IARS2: variants seen among roughly 807,000 people sequenced by gnomAD.
IARS2 encodes isoleucine--tRNA ligase, mitochondrial.
IARS2 carries 56 observed loss-of-function variants against 126.3 expected under a neutral mutation model. The observed-to-expected ratio is 0.44, with a 90% confidence interval of 0.36 to 0.55. The LOEUF is 0.55. IARS2 is among the 20% of genes least tolerant of loss of function. The pLI is 0.00. For missense variants in IARS2, 1,127 were observed against 1,245.9 expected (o/e 0.90, Z 1.44); for synonymous variants, 407 against 441.1 (o/e 0.92, Z 0.97).
At chr1:220,103,333 C>G in intron 7 of IARS2, 114 bp from the exon 8 acceptor site, 1 of 644,566 alleles carries the variant, frequency 1.6e-6, no homozygotes, top group Non-Finnish European at 2.7e-6. Flanking sequence ...TAGACATGAG[C>G]CACCGCGCTG....
In IARS2 at chr1:220,106,003, A is replaced by T; in HGVS notation, c.1179A>T (p.Thr393=). 2 of 1,614,188 alleles carry T rather than the reference A, an allele frequency of 1.2e-6. No individual in the cohort carries two copies. The highest frequency in any genetic ancestry group is 1.7e-6 in the Non-Finnish European group (2 of 1,180,016). The change falls in exon 9 of 23, where the codon ACA becomes ACT. Residue 393 remains threonine (T), a synonymous_variant. Transcript: ENST00000366922. ...TMAKGTGLVH[T]APAHGMEDYG... ...CAAAAGGAACGGGATTGGTTCACAC[A>T]GCCCCAGCTCATGGTATGGAAGACT...
chr1:220,143,260 A>G (rs1463854186), intron 21 of IARS2, 126 bp downstream of exon 21: 4 of 531,552 alleles, frequency 7.5e-6, no homozygotes, highest in African/African-American at 1.9e-5. Context: ...CTATGCAATT[A>G]TTCTATTATG....
chr1:220,121,332 A>G (rs1657047723), intron 12 of IARS2, among the ~76,000 whole-genome samples: 1 of 152,184 alleles, frequency 6.6e-6, no homozygotes, highest in African/African-American at 2.4e-5. Context: ...TATGTATAAA[A>G]CACAAAATTA....
rs535505794 is a variant in IARS2 at position 220,106,038 on chromosome 1, C to T, written c.1214C>T (p.Ala405Val). 8.1e-6 allele frequency: 13 copies of T among 1,613,500 alleles called. 1 individual carries two copies. Among genetic ancestry groups the T allele is most frequent in the South Asian group, 6.6e-5 (6 of 90,994 alleles). The change falls in exon 9 of 23, where the codon GCG (alanine) becomes GTG (valine). Residue 405 changes from alanine to valine, a missense_variant. By Grantham distance (64) the Ala-to-Val change is moderately conservative. Transcript: ENST00000366922. ...PAHGMEDYGVASQHNLPMDCL... is the reference protein window; with the variant it reads ...PAHGMEDYGVVSQHNLPMDCL... ...CATGGTATGGAAGACTACGGTGTAGCGTCTCAGCACAACCTGCCCATGGTA... is the reference window on the plus strand; with the variant it reads ...CATGGTATGGAAGACTACGGTGTAGTGTCTCAGCACAACCTGCCCATGGTA...
At chr1:220,120,551 A>G (rs1471084823) in intron 12 of IARS2, among the ~76,000 whole-genome samples, 2 of 151,384 alleles carry the variant, frequency 1.3e-5, no homozygotes, top group East Asian at 3.9e-4. Flanking sequence ...TAATTTTTGT[A>G]TTTTTGTAGA....
At position 220,116,887 on chromosome 1, in the gene IARS2, C is replaced by T. The variant is rs567930026; in HGVS notation, c.1640+2413C>T. On this transcript the variant is annotated intron_variant, in intron 12 of 22. Transcript: ENST00000366922. ...TCAGCCTCCTGAGTAGCTGGGACTA[C>T]AGGCACGCGCCACTGACTTGGCTAA... Among the ~76,000 whole-genome samples the T allele has an allele frequency of 6.6e-5, 10 of 150,452 alleles. No homozygotes were observed. In the South Asian group the frequency reaches 2.1e-3, roughly 32 times the overall value.
chr1:220,097,359 T>C (rs949191243), intron 2 of IARS2, among the ~76,000 whole-genome samples: 1 of 133,028 alleles, frequency 7.5e-6, no homozygotes, highest in Non-Finnish European at 1.5e-5. Context: ...CCAACAGTTC[T>C]TTTTTCTTTT....
chr1:220,102,747 A>C lies in IARS2; in HGVS notation c.920A>C (p.Asn307Thr). The stretch of plus-strand genomic sequence containing the variant: ...ACACAACCTTGGACGATTCCAGCCA[A>C]TGAAGCTGTTTGCTATATGCCTGAA... ...WTTQPWTIPANEAVCYMPESK... is the reference protein window; with the variant it reads ...WTTQPWTIPATEAVCYMPESK... Residue 307 changes from asparagine to threonine, a missense_variant, in exon 7 of 23, where the codon AAT (asparagine) becomes ACT (threonine). Asn to Thr is a moderately conservative substitution (Grantham distance 65, BLOSUM62 0). Coordinates refer to ENST00000366922, the MANE Select transcript of IARS2 (RefSeq NM_018060.4). 1.2e-6 allele frequency: 2 copies of C among 1,613,558 alleles called. No individual in the cohort carries two copies. The highest frequency in any genetic ancestry group is 1.7e-6 in the Non-Finnish European group (2 of 1,179,488).
chr1:220,100,417 T>C, intron 2 of IARS2, 73 bp from the exon 3 acceptor site: 1 of 1,249,934 alleles, frequency 8.0e-7, no homozygotes, highest in Admixed American at 2.4e-5. Context: ...ATTATCATTT[T>C]ATCTTTGCAG....
intron 14 of IARS2, among the ~76,000 whole-genome samples, chr1:220,127,632 C>T (rs1026797297): frequency 6.6e-6 from 1 of 152,172 alleles, no homozygotes; most frequent in African/African-American, 2.4e-5. Flanking sequence ...CTACTAAGGG[C>T]CAGCTTTGGC....
At chr1:220,143,494 T>C (rs1379116938) in intron 21 of IARS2, 1 of 193,100 alleles carries the variant, frequency 5.2e-6, no homozygotes, top group Non-Finnish European at 1.1e-5. Context: ...TACATATTAC[T>C]GTGTAGGGAT....
intron 8 of IARS2, 89 bp downstream of exon 8, chr1:220,103,651 T>C (rs1428900933): frequency 2.6e-6 from 2 of 769,402 alleles, no homozygotes. Flanking sequence ...TATTTTGAAT[T>C]GAAACAGATA....
intron 8 of IARS2, among the ~76,000 whole-genome samples, chr1:220,104,793 C>T (rs1656647359): frequency 6.6e-6 from 1 of 152,092 alleles, no homozygotes; most frequent in African/African-American, 2.4e-5. Flanking sequence ...CTCTGCCTCC[C>T]AAAGTGGTAG....
intron 2 of IARS2, among the ~76,000 whole-genome samples, chr1:220,098,264 C>T (rs145125726): frequency 6.6e-6 from 1 of 152,204 alleles, no homozygotes; most frequent in African/African-American, 2.4e-5. Flanking sequence ...AGCATGGGCA[C>T]TTTGGAACTA....
rs147663250 is a variant in IARS2 at position 220,119,444 on chromosome 1, A to G, written c.1640+4970A>G. Among the ~76,000 whole-genome samples, 34 of 152,270 alleles carry G rather than the reference A, an allele frequency of 2.2e-4. No homozygotes were observed. The East Asian group carries it at 5.6e-3, about 25-fold the overall frequency. On this transcript the variant is annotated intron_variant, in intron 12 of 22. Transcript: ENST00000366922. ...ACTATGAGTTTGTGTTAAGTATACA[A>G]TGTTAAAGAAATGAAGGTAGAATTC...
chr1:220,122,254 A>C (rs1313143750), intron 12 of IARS2, among the ~76,000 whole-genome samples: 1 of 152,240 alleles, frequency 6.6e-6, no homozygotes, highest in Non-Finnish European at 1.5e-5. Flanking sequence ...AACTCAAAAA[A>C]TAGTATGATT....
At chr1:220,124,578 C>T (rs1657115652) in intron 12 of IARS2, among the ~76,000 whole-genome samples, 1 of 152,158 alleles carries the variant, frequency 6.6e-6, no homozygotes, top group East Asian at 1.9e-4. Context: ...AAAGCTAGGT[C>T]TTAAAGAAGT....
At chr1:220,140,997 A>T (rs990305774) in intron 19 of IARS2, among the ~76,000 whole-genome samples, 1 of 151,546 alleles carries the variant, frequency 6.6e-6, no homozygotes. Flanking sequence ...AAAAAAAAAA[A>T]AAAAAGATTG....
At position 220,140,187 on chromosome 1, in the gene IARS2, C is replaced by G. The variant is rs139473192; in HGVS notation, c.2312C>G (p.Thr771Ser). The G allele has an allele frequency of 4.2e-5, 67 of 1,602,530 alleles. No individual in the cohort carries two copies. Among genetic ancestry groups the G allele is most frequent in the Non-Finnish European group, 5.6e-5 (66 of 1,170,226 alleles). ...HLLQDLANKI[T>S]ELYKQYDFGK... Reference sequence around the variant, plus strand: ...TATTTTGGCTTTGTTCCCTAGATTACCGAATTATACAAACAATATGATTTT... The same window carrying G: ...TATTTTGGCTTTGTTCCCTAGATTAGCGAATTATACAAACAATATGATTTT... Residue 771 changes from threonine to serine, a missense_variant, in exon 19 of 23, where the codon ACC becomes AGC. By Grantham distance (58) the Thr-to-Ser change is moderately conservative. Transcript: ENST00000366922.
Sources: allele counts gnomAD v4.1 joint callset (sites outside exome capture counted in the v4.1 genomes callset), GRCh38; gene constraint gnomAD v4.1.1; transcripts MANE v1.5; gene names NCBI Gene and HGNC (gene_info 2026-07-23, HGNC 2026-07-21).